STK33: variants seen among roughly 807,000 people sequenced by gnomAD.
STK33 encodes the protein serine/threonine-protein kinase 33.
In STK33, 52 loss-of-function variants were observed where a neutral mutation model predicts 58.0. The ratio of observed to expected loss-of-function variants is 0.90; its 90% CI spans 0.72 to 1.13. STK33 has a LOEUF of 1.13. Among genes scored for constraint, STK33 ranks in the 50% most tolerant of loss-of-function variants. STK33 has a pLI of 0.00. For missense variants in STK33, 630 were observed against 604.2 expected (o/e 1.04, Z -0.45); for synonymous variants, 215 against 200.1 (o/e 1.07, Z -0.63).
At chr11:8,405,037 C>A (rs1213159874) in intron 15 of STK33, among the ~76,000 whole-genome samples, 1 of 152,100 alleles carries the variant, frequency 6.6e-6, no homozygotes. Context: ...ACCCAGGAGG[C>A]TGAGGCAGGA....
the STK33 span, among the ~76,000 whole-genome samples, chr11:8,385,204 C>T: frequency 7.2e-5 from 11 of 152,248 alleles, no homozygotes; most frequent in Non-Finnish European, 1.2e-4. Context: ...ATTCAATGTC[C>T]TCTAACTAAT....
At chr11:8,489,432 A>C (rs1950435904) in intron 1 of STK33, among the ~76,000 whole-genome samples, 1 of 152,208 alleles carries the variant, frequency 6.6e-6, no homozygotes, top group South Asian at 2.1e-4. Context: ...TAAAGAACAG[A>C]AGCTTATTTG....
intron 11 of STK33, among the ~76,000 whole-genome samples, chr11:8,444,087 G>A (rs968200284): frequency 6.6e-6 from 1 of 152,042 alleles, no homozygotes; most frequent in Non-Finnish European, 1.5e-5. Context: ...AGAAATTAAT[G>A]AAAAAGCAAA....
intron 1 of STK33, among the ~76,000 whole-genome samples, chr11:8,583,494 A>C (rs1030569744): frequency 1.3e-5 from 2 of 152,238 alleles, no homozygotes; most frequent in Non-Finnish European, 2.9e-5. Context: ...TGACTAGATG[A>C]ACAGAAAATA....
chr11:8,558,715 G>C (rs1354719190), intron 1 of STK33, among the ~76,000 whole-genome samples: 1 of 152,094 alleles, frequency 6.6e-6, no homozygotes. Flanking sequence ...TTCCTGCTGG[G>C]CTCGGTTCAA....
the STK33 span, among the ~76,000 whole-genome samples, chr11:8,339,721 T>C: frequency 6.6e-6 from 1 of 152,000 alleles, no homozygotes; most frequent in African/African-American, 2.4e-5. Context: ...GGGTGGGAGG[T>C]TGTCACCTGG....
At chr11:8,396,161 T>C (rs1210368771) in intron 15 of STK33, among the ~76,000 whole-genome samples, 2 of 152,174 alleles carry the variant, frequency 1.3e-5, no homozygotes, top group Non-Finnish European at 2.9e-5. Flanking sequence ...TGGACTGCAA[T>C]GACACAATCT....
chr11:8,473,474 G>C (rs7931604), intron 5 of STK33, among the ~76,000 whole-genome samples, 198 bp from the exon 6 acceptor site: 2 of 151,928 alleles, frequency 1.3e-5, no homozygotes, highest in East Asian at 3.9e-4. Context: ...ACCTTAAGAA[G>C]ATATTCAATC....
At chr11:8,487,079 T>C (rs555207928) in intron 1 of STK33, among the ~76,000 whole-genome samples, 32 of 152,198 alleles carry the variant, frequency 2.1e-4, no homozygotes, top group South Asian at 4.1e-4. Context: ...GTAGTGGATA[T>C]TTAGGACCAG....
chr11:8,483,727 C>T (rs990543834), intron 1 of STK33, among the ~76,000 whole-genome samples: 5 of 152,210 alleles, frequency 3.3e-5, no homozygotes, highest in Admixed American at 2.0e-4. Flanking sequence ...AATCTACTGC[C>T]GAACGAACAT....
At chr11:8,459,713 G>T (rs1451516577) in intron 8 of STK33, among the ~76,000 whole-genome samples, 1 of 152,084 alleles carries the variant, frequency 6.6e-6, no homozygotes, top group Non-Finnish European at 1.5e-5. Flanking sequence ...TAGAGGGCAT[G>T]GAGTTGGAAG....
intron 1 of STK33, among the ~76,000 whole-genome samples, chr11:8,503,505 T>C (rs1271200738): frequency 1.3e-5 from 2 of 152,018 alleles, no homozygotes; most frequent in Non-Finnish European, 2.9e-5. Flanking sequence ...TTCAAAAAAC[T>C]ACTGATTGGG....
chr11:8,485,293 T>A (rs1950124262), intron 1 of STK33, among the ~76,000 whole-genome samples: 2 of 152,206 alleles, frequency 1.3e-5, no homozygotes, highest in Non-Finnish European at 2.9e-5. Context: ...TTGTAAGTGA[T>A]TCTCTTTTCA....
In STK33 at chr11:8,571,673, A is replaced by C. The variant is rs370775035; in HGVS notation, c.-466+22410T>G. Among the ~76,000 whole-genome samples, 18 of 152,134 alleles carry C rather than the reference A, an allele frequency of 1.2e-4. 1 individual carries two copies. The South Asian group carries it at 3.7e-3, about 32-fold the overall frequency. On this transcript the variant is annotated intron_variant, in intron 1 of 15. Transcript: ENST00000687296. ...ACGGTGAAACCTTGTTTCTACTAAA[A>C]ATACAAAAAATTAGCCAGGCGTGGT... is the stretch of plus-strand genomic sequence containing the variant.
At chr11:8,490,821 A>C (rs1183006078) in intron 1 of STK33, among the ~76,000 whole-genome samples, 2 of 152,152 alleles carry the variant, frequency 1.3e-5, no homozygotes, top group Non-Finnish European at 2.9e-5. Flanking sequence ...ACCTCCAGCA[A>C]ACTCCAACAC....
intron 1 of STK33, among the ~76,000 whole-genome samples, chr11:8,568,263 A>C (rs1957576506): frequency 6.6e-6 from 1 of 152,208 alleles, no homozygotes; most frequent in Non-Finnish European, 1.5e-5. Flanking sequence ...GTTGCAATTC[A>C]GTTATTCAAT....
chr11:8,406,406 A>C (rs1939215577), intron 15 of STK33, among the ~76,000 whole-genome samples: 1 of 152,232 alleles, frequency 6.6e-6, no homozygotes, highest in African/African-American at 2.4e-5. Flanking sequence ...ATAACAAAAA[A>C]GCAAGTGTTC....
At chr11:8,418,405 G>A (rs974290415) in intron 14 of STK33, among the ~76,000 whole-genome samples, 6 of 152,004 alleles carry the variant, frequency 3.9e-5, no homozygotes, top group Admixed American at 2.0e-4. Context: ...CCATGTTCCC[G>A]CAAAAGACAT....
chr11:8,355,609 C>T, the STK33 span, among the ~76,000 whole-genome samples: 1 of 152,146 alleles, frequency 6.6e-6, no homozygotes, highest in African/African-American at 2.4e-5. Context: ...CTTCCAGGTG[C>T]AGTCAGGGAT....
Sources: gnomAD v4.1 joint callset for allele counts (sites outside exome capture counted in the v4.1 genomes callset) on GRCh38, gnomAD v4.1.1 for gene constraint, MANE v1.5 for transcripts, NCBI Gene and HGNC (gene_info 2026-07-23, HGNC 2026-07-21) for gene names.